Variants in KIF6 observed in about 807,000 individuals in gnomAD.
KIF6 encodes kinesin-like protein KIF6.
Under a neutral mutation model 112.7 loss-of-function variants are expected in KIF6, and 106 were observed. The ratio of observed to expected loss-of-function variants is 0.94; its 90% CI spans 0.80 to 1.11. KIF6 has a LOEUF of 1.11. Among genes scored for constraint, KIF6 ranks in the 50% least tolerant of loss-of-function variants. The pLI is 0.00. For missense variants in KIF6, 929 were observed against 964.0 expected, an observed-to-expected ratio of 0.96 and a Z score of 0.48; for synonymous variants, 339 against 339.9, an observed-to-expected ratio of 1.00 and a Z score of 0.03.
intron 9 of KIF6, among the ~76,000 whole-genome samples, chr6:39,582,569 G>A (rs1318506686): frequency 9.2e-5 from 14 of 151,926 alleles, no homozygotes; most frequent in Admixed American, 3.9e-4. Flanking sequence ...GTACCTCCAC[G>A]CCCGGCTAAT....
At chr6:39,447,856 C>A (rs1772428444) in intron 13 of KIF6, among the ~76,000 whole-genome samples, 1 of 152,162 alleles carries the variant, frequency 6.6e-6, no homozygotes, top group African/African-American at 2.4e-5. Flanking sequence ...CTTTCAAGAT[C>A]CCCAGTGATC....
chr6:39,406,735 G>A (rs532350126), intron 15 of KIF6, among the ~76,000 whole-genome samples: 2 of 152,168 alleles, frequency 1.3e-5, no homozygotes, highest in African/African-American at 4.8e-5. Flanking sequence ...TTGGAAATGT[G>A]TTGTTTAACC....
At chr6:39,449,301 C>T (rs542021344) in intron 13 of KIF6, among the ~76,000 whole-genome samples, 32 of 152,344 alleles carry the variant, frequency 2.1e-4, no homozygotes, top group African/African-American at 7.0e-4. Context: ...CTCAGCCTAC[C>T]AGGACCTCCT....
At position 39,343,932 on chromosome 6, in the gene KIF6, G is replaced by A. The variant is rs543165109; in HGVS notation, c.2322-117C>T. 8.4e-6 allele frequency: 5 copies of A among 597,304 alleles called. No homozygotes were observed. In the East Asian group the frequency reaches 1.2e-4, roughly 14 times the overall value. 37.0% of individuals were successfully genotyped at this position (597,304 alleles called of 1,614,324 possible). On this transcript the variant is annotated intron_variant, in intron 21 of 22. Transcript: ENST00000287152. The surrounding 1 kb of genome is among the most constrained non-coding windows in gnomAD (Gnocchi z 4.1). ...TCTCACTCAGAAAGCTACATGACACGGCTGGCCTGCTTCTCACTCCCTCCT... is the reference window on the plus strand; with the variant it reads ...TCTCACTCAGAAAGCTACATGACACAGCTGGCCTGCTTCTCACTCCCTCCT...
intron 10 of KIF6, among the ~76,000 whole-genome samples, chr6:39,551,729 T>C (rs576693012): frequency 6.6e-6 from 1 of 152,310 alleles, no homozygotes; most frequent in Admixed American, 6.5e-5. Flanking sequence ...ATTGAGAGAA[T>C]AGTTACACAA....
intron 3 of KIF6, among the ~76,000 whole-genome samples, chr6:39,696,209 C>G (rs181210386): frequency 9.2e-5 from 14 of 152,240 alleles, no homozygotes; most frequent in African/African-American, 3.4e-4. Flanking sequence ...ACTGCTTGGG[C>G]AATGGAATTA....
chr6:39,346,051 T>G (rs1031533920), intron 20 of KIF6, among the ~76,000 whole-genome samples: 116 of 14,118 alleles, frequency 8.2e-3, no homozygotes, highest in African/African-American at 0.028. Flanking sequence ...ACTACAGTGC[T>G]CTCTCTCTCT....
chr6:39,344,156 G>A (rs574232924), intron 21 of KIF6, among the ~76,000 whole-genome samples: 25 of 152,168 alleles, frequency 1.6e-4, no homozygotes, highest in Non-Finnish European at 3.4e-4. Context: ...CCTCCATACT[G>A]TTCTCGTGGT....
intron 2 of KIF6, among the ~76,000 whole-genome samples, chr6:39,719,813 G>A (rs1009500322): frequency 3.3e-5 from 5 of 151,988 alleles, no homozygotes; most frequent in Admixed American, 6.6e-5. Flanking sequence ...TACTAGCCAC[G>A]TTTTTAAAAA....
At chr6:39,443,865 A>T (rs1273846580) in intron 13 of KIF6, among the ~76,000 whole-genome samples, 1 of 152,222 alleles carries the variant, frequency 6.6e-6, no homozygotes, top group Admixed American at 6.5e-5. Flanking sequence ...CTTGTAAGTA[A>T]GTAGATGCAA....
At chr6:39,674,049 T>C (rs936089121) in intron 3 of KIF6, among the ~76,000 whole-genome samples, 2 of 151,798 alleles carry the variant, frequency 1.3e-5, no homozygotes, top group African/African-American at 2.4e-5. Flanking sequence ...AAGGGAGAAT[T>C]TTGAGAAAAA....
chr6:39,518,784 G>A (rs950124667), intron 13 of KIF6, among the ~76,000 whole-genome samples: 9 of 152,102 alleles, frequency 5.9e-5, no homozygotes, highest in African/African-American at 1.9e-4. Flanking sequence ...GAGGTCATTC[G>A]TATGCTGCAA....
At position 39,345,443 on chromosome 6, in the gene KIF6, C is replaced by T. The variant is rs527928870; in HGVS notation, c.2321+257G>A. ...TCTTTCCCTTTCTGGCCCCCAGGTA[C>T]GTCTATTCACAAGAAGATATGAAAC... On this transcript the variant is annotated intron_variant, in intron 21 of 22. Coordinates refer to ENST00000287152, the MANE Select transcript of KIF6 (RefSeq NM_145027.6). Among the ~76,000 whole-genome samples the T allele has an allele frequency of 4.6e-5, 7 of 152,300 alleles. No homozygotes were observed. The East Asian group carries it at 7.7e-4, about 17-fold the overall frequency.
At chr6:39,340,258 TTTTG>T (rs1197749978) in intron 22 of KIF6, among the ~76,000 whole-genome samples, 2 of 152,130 alleles carry the variant, frequency 1.3e-5, no homozygotes, top group African/African-American at 4.8e-5. Context: ...GCTGTGGAAG[TTTTG>T]TTTGCTTTGA....
chr6:39,701,488 T>C (rs1445337369), intron 3 of KIF6, among the ~76,000 whole-genome samples: 1 of 152,242 alleles, frequency 6.6e-6, no homozygotes, highest in Non-Finnish European at 1.5e-5. Flanking sequence ...TGCTGGAGCA[T>C]AACAACTTGC....
chr6:39,493,169 T>C (rs111249498), intron 13 of KIF6, among the ~76,000 whole-genome samples: 4,184 of 152,326 alleles, frequency 0.027, 96 homozygotes, highest in Non-Finnish European at 0.037. Context: ...GTTCCAACAC[T>C]GTCAATCCTG....
intron 10 of KIF6, among the ~76,000 whole-genome samples, chr6:39,548,547 T>C (rs1779188236): frequency 6.6e-6 from 1 of 152,260 alleles, no homozygotes; most frequent in Middle Eastern, 3.2e-3. Flanking sequence ...CTTTCCTTCA[T>C]ACATTTGATT....
chr6:39,682,492 G>C (rs150197626), intron 3 of KIF6, among the ~76,000 whole-genome samples: 2 of 152,346 alleles, frequency 1.3e-5, no homozygotes, highest in East Asian at 3.9e-4. Flanking sequence ...TATGTGGTCT[G>C]TCAATGATCT....
intron 3 of KIF6, among the ~76,000 whole-genome samples, chr6:39,708,485 T>C (rs751931706): frequency 2.0e-5 from 3 of 152,194 alleles, no homozygotes; most frequent in African/African-American, 7.2e-5. Flanking sequence ...GTAGTGTAGG[T>C]GCCTTAGCTG....
Sources: allele counts gnomAD v4.1 joint callset (sites outside exome capture counted in the v4.1 genomes callset), GRCh38; gene constraint gnomAD v4.1.1; non-coding constraint Gnocchi (gnomAD v3.1); transcripts MANE v1.5; gene names NCBI Gene and HGNC (gene_info 2026-07-23, HGNC 2026-07-21).